Variants in RNF13 observed in about 807,000 individuals in gnomAD.
RNF13 encodes ring finger protein 13, also known as E3 ubiquitin-protein ligase RNF13.
In RNF13, 19 loss-of-function variants were observed where a neutral mutation model predicts 37.7. That is an observed-to-expected ratio of 0.50 (90% CI 0.35 to 0.74). The LOEUF (loss-of-function observed/expected upper bound fraction) is 0.74. RNF13 is among the 30% of genes least tolerant of loss of function. The probability of loss-of-function intolerance (pLI) is 0.01; values close to 1 mark genes in which losing one functional copy is unlikely to be tolerated. For synonymous variants in RNF13, 144 were observed against 157.8 expected (o/e 0.91, Z 0.65); for missense variants, 375 against 453.0 (o/e 0.83, Z 1.56).
intron 7 of RNF13, chr3:149,917,360 A>T (rs930262879): frequency 1.3e-5 from 2 of 152,198 alleles, no homozygotes; most frequent in East Asian, 1.9e-4. Context: ...ATTGCTCAAT[A>T]AAAAATTCTG....
chr3:149,882,511 A>G (rs1181952069), intron 4 of RNF13, among the ~76,000 whole-genome samples: 1 of 152,092 alleles, frequency 6.6e-6, no homozygotes, highest in African/African-American at 2.4e-5. Flanking sequence ...TCTAAATGTT[A>G]TTTTGTCAGA....
At position 149,958,999 on chromosome 3, in the gene RNF13, A is replaced by G. The variant is rs189764992; in HGVS notation, c.701-1057A>G. On this transcript the variant is annotated intron_variant, in intron 8 of 9. Coordinates refer to ENST00000392894, the MANE Select transcript of RNF13 (RefSeq NM_183381.3). ...CAGAAGAACTATCAGCACCTTTTTTATGTGTCATGTTCATCCAGACTATCC... is the reference window on the plus strand; with the variant it reads ...CAGAAGAACTATCAGCACCTTTTTTGTGTGTCATGTTCATCCAGACTATCC... Among the ~76,000 whole-genome samples the G allele has an allele frequency of 1.6e-4, 24 of 152,268 alleles. 2 individuals carry two copies. The highest frequency in any genetic ancestry group is 1.1e-3 in the Admixed American group (17 of 15,298).
rs768557071 is a variant in RNF13 at position 149,846,597 on chromosome 3, C to T, written c.114+457C>T. Among the ~76,000 whole-genome samples the T allele has an allele frequency of 4.6e-5, 7 of 152,302 alleles. No homozygotes were observed. The South Asian group carries it at 1.0e-3, about 23-fold the overall frequency. On this transcript the variant is annotated intron_variant, in intron 2 of 9. Coordinates refer to ENST00000392894, the MANE Select transcript of RNF13 (RefSeq NM_183381.3). The stretch of plus-strand genomic sequence containing the variant: ...TTGGGATTACAGGTGTGAGCCACCA[C>T]GCCCAGCCCCTTATTCATTTTCTAT...
At chr3:149,866,016 C>G (rs1342378089) in intron 3 of RNF13, among the ~76,000 whole-genome samples, 1 of 152,102 alleles carries the variant, frequency 6.6e-6, no homozygotes, top group East Asian at 1.9e-4. Context: ...TGATGATATG[C>G]TAAACAAGGG....
chr3:149,816,846 T>C (rs1719509009), intron 1 of RNF13, among the ~76,000 whole-genome samples: 1 of 152,178 alleles, frequency 6.6e-6, no homozygotes, highest in African/African-American at 2.4e-5. Flanking sequence ...AATTTAATTA[T>C]AGTAGTTGAG....
chr3:149,932,410 A>G (rs1456674396), intron 8 of RNF13, among the ~76,000 whole-genome samples: 1 of 152,122 alleles, frequency 6.6e-6, no homozygotes, highest in African/African-American at 2.4e-5. Flanking sequence ...TCATTCCACC[A>G]TCAACTCAAA....
intron 3 of RNF13, among the ~76,000 whole-genome samples, chr3:149,856,629 A>G (rs1207296031): frequency 6.6e-6 from 1 of 151,852 alleles, no homozygotes; most frequent in Non-Finnish European, 1.5e-5. Context: ...TTTTTTTAGG[A>G]ATGGAATCTT....
rs1249659188 is a variant in RNF13 at position 149,870,713 on chromosome 3, C to T, written c.196-1316C>T. 1.3e-5 allele frequency among the ~76,000 whole-genome samples: 2 copies of T among 151,780 alleles called. 1 individual carries two copies. The highest frequency in any genetic ancestry group is 2.9e-5 in the Non-Finnish European group (2 of 67,900). ...TTCGTTGCAAAACAAAAACCGAGTG[C>T]TTTATGGGATTAAGAAGAGGAGCTA... On this transcript the variant is annotated intron_variant, in intron 3 of 9. Coordinates refer to ENST00000392894, the MANE Select transcript of RNF13 (RefSeq NM_183381.3).
chr3:149,959,893 C>G lies in RNF13; in HGVS notation c.701-163C>G. 3 of 484,678 alleles carry G rather than the reference C, an allele frequency of 6.2e-6. No homozygotes were observed. The South Asian group carries it at 1.1e-4, about 18-fold the overall frequency. The allele number at this position is 484,678 out of a possible 1,614,324, so 30.0% of individuals were successfully genotyped here. ...ACTAGTTTAGGTAAAATGTTAATTACTTAAATTGAAACTTCAGGTCCTAGG... is the reference window on the plus strand; with the variant it reads ...ACTAGTTTAGGTAAAATGTTAATTAGTTAAATTGAAACTTCAGGTCCTAGG... On this transcript the variant is annotated intron_variant, in intron 8 of 9. Coordinates refer to ENST00000392894, the MANE Select transcript of RNF13 (RefSeq NM_183381.3).
intron 1 of RNF13, among the ~76,000 whole-genome samples, chr3:149,825,527 A>G (rs1311435910): frequency 6.6e-6 from 1 of 152,134 alleles, no homozygotes; most frequent in Non-Finnish European, 1.5e-5. Flanking sequence ...CTGTGCCCTG[A>G]CTGCCTCTGC....
At chr3:149,845,926 T>C in intron 1 of RNF13, 85 bp from the exon 2 acceptor site, 2 of 661,594 alleles carry the variant, frequency 3.0e-6, no homozygotes, top group Non-Finnish European at 2.6e-6. Context: ...AGGGATATTT[T>C]TGGACATTGG....
At chr3:149,918,630 C>G (rs1717790626) in intron 7 of RNF13, among the ~76,000 whole-genome samples, 1 of 151,732 alleles carries the variant, frequency 6.6e-6, no homozygotes, top group African/African-American at 2.4e-5. Context: ...CTCAAGTGAT[C>G]CTCCCACCTC....
At chr3:149,959,442 CAATT>C (rs1722172931) in intron 8 of RNF13, among the ~76,000 whole-genome samples, 1 of 152,170 alleles carries the variant, frequency 6.6e-6, no homozygotes, top group African/African-American at 2.4e-5. Context: ...CACAGTAAGA[CAATT>C]AAAGTGGCAA....
intron 8 of RNF13, among the ~76,000 whole-genome samples, chr3:149,949,895 C>A (rs189123114): frequency 1.4e-4 from 21 of 152,078 alleles, no homozygotes; most frequent in African/African-American, 4.8e-4. Flanking sequence ...CTATTCTTTT[C>A]TCTTTTAATT....
chr3:149,939,551 C>T (rs1720047089), intron 8 of RNF13: 3 of 591,472 alleles, frequency 5.1e-6, no homozygotes, highest in South Asian at 2.8e-5. Flanking sequence ...ATTGGCTGTA[C>T]AGACATTTTC....
At chr3:149,909,756 T>C (rs760820291) in intron 6 of RNF13, among the ~76,000 whole-genome samples, 5 of 152,090 alleles carry the variant, frequency 3.3e-5, no homozygotes, top group Non-Finnish European at 7.4e-5. Context: ...TGAAATTGAT[T>C]CCATTTCTGC....
intron 4 of RNF13, among the ~76,000 whole-genome samples, chr3:149,883,435 G>C (rs1047960190): frequency 6.6e-6 from 1 of 152,026 alleles, no homozygotes; most frequent in East Asian, 1.9e-4. Context: ...GTGTATGTGT[G>C]TGTGTATGTA....
chr3:149,881,468 T>C (rs1713390966), intron 4 of RNF13, among the ~76,000 whole-genome samples: 2 of 152,096 alleles, frequency 1.3e-5, no homozygotes, highest in South Asian at 4.1e-4. Context: ...GTAGCTGATA[T>C]TACAGGCACC....
At chr3:149,822,353 TA>T (rs1389989559) in intron 1 of RNF13, among the ~76,000 whole-genome samples, 1 of 152,154 alleles carries the variant, frequency 6.6e-6, no homozygotes, top group East Asian at 1.9e-4. Flanking sequence ...TCCTTTGTTA[TA>T]TTTATTCCTG....
Sources: allele counts gnomAD v4.1 joint callset (sites outside exome capture counted in the v4.1 genomes callset), GRCh38; gene constraint gnomAD v4.1.1; transcripts MANE v1.5; gene names NCBI Gene and HGNC (gene_info 2026-07-23, HGNC 2026-07-21).